Variants in IQCN observed in about 807,000 individuals in gnomAD.
The protein encoded by IQCN is IQ motif containing N.
IQCN carries 46 observed loss-of-function variants against 64.4 expected under a neutral mutation model. That is an observed-to-expected ratio of 0.71 (90% CI 0.56 to 0.91). IQCN has a LOEUF of 0.91. Ranked by LOEUF, IQCN falls within the 40% of genes least tolerant of loss-of-function variation. The probability of loss-of-function intolerance (pLI) is 0.00; values close to 1 mark genes in which losing one functional copy is unlikely to be tolerated. For missense variants in IQCN, 1,753 were observed against 1,857.4 expected, an observed-to-expected ratio of 0.94 and a Z score of 1.03; for synonymous variants, 733 against 775.6, an observed-to-expected ratio of 0.95 and a Z score of 0.91.
Position 18,266,631 on chromosome 19 carries a change from G to A in IQCN, c.909C>T (p.Asp303=), listed in dbSNP as rs1056954995. 6 of 1,613,960 alleles carry A rather than the reference G, an allele frequency of 3.7e-6. No homozygotes were observed. Among genetic ancestry groups the A allele is most frequent in the Admixed American group, 1.7e-5 (1 of 59,992 alleles). Reference sequence around the variant, plus strand: ...CTCTGGATGGTCTCGTAACTGCCTGGTCATACCTTCTGGACAATGGTGTCT... The same window carrying A: ...CTCTGGATGGTCTCGTAACTGCCTGATCATACCTTCTGGACAATGGTGTCT... ...APETPLSRRY[D]QAVTRPSRAQ... Residue 303 remains aspartate, a synonymous_variant, in exon 3 of 4, where the codon GAC becomes GAT. Transcript: ENST00000392413. The surrounding 1 kb of genome is among the most constrained non-coding windows in gnomAD (Gnocchi z 4.3).
In IQCN at chr19:18,257,972, C is replaced by T. The variant is rs776957972; in HGVS notation, c.3312G>A (p.Val1104=). Residue 1104 remains valine, a synonymous_variant, in exon 4 of 4, where the codon GTG becomes GTA. Coordinates refer to ENST00000392413, the MANE Select transcript of IQCN (RefSeq NM_001145304.2). ...VPPRRSGEPM[V]SMQAAEEIRI... ...GGATCTCCTCTGCAGCCTGCATGGA[C>T]ACCATTGGCTCCCCGGACCGCCTGG... The T allele has an allele frequency of 3.7e-6, 6 of 1,612,568 alleles. No homozygotes were observed. The highest frequency in any genetic ancestry group is 5.1e-6 in the Non-Finnish European group (6 of 1,179,706).
Position 18,264,685 on chromosome 19 carries a change from C to T in IQCN, c.2855G>A (p.Arg952Gln). 5 of 1,551,190 alleles carry T rather than the reference C, an allele frequency of 3.2e-6. No individual in the cohort carries two copies. Among genetic ancestry groups the T allele is most frequent in the South Asian group, 1.2e-5 (1 of 84,060 alleles). ...CCGCAGCTCGCCCCGGGACAGGGCT[C>T]GGGACAGGGTCAGGCGCAGCTCACT... is the stretch of plus-strand genomic sequence containing the variant. ...SWSELRLTLS[R>Q]ALSRGELRAE... Residue 952 changes from arginine to glutamine, a missense_variant, in exon 3 of 4, where the codon CGA (arginine) becomes CAA (glutamine). Physicochemically the swap from Arg to Gln is conservative, Grantham distance 43. Transcript: ENST00000392413. This position sits in a 1 kb window ranked among gnomAD's most constrained non-coding sequence, Gnocchi z 4.3.
In IQCN at chr19:18,257,656, C is replaced by T. The variant is rs370292091; in HGVS notation, c.3628G>A (p.Gly1210Ser). ...VMSDRSWFQD[G>S]RARTVSDHRC... Reference sequence around the variant, plus strand: ...TGGTCAGATACTGTCCTGGCTCTGCCATCCTGGAACCAGCTTCGGTCAGAC... The same window carrying T: ...TGGTCAGATACTGTCCTGGCTCTGCTATCCTGGAACCAGCTTCGGTCAGAC... The change falls in exon 4 of 4, where the codon GGC becomes AGC. Residue 1210 changes from glycine to serine, a missense_variant. Coordinates refer to ENST00000392413, the MANE Select transcript of IQCN (RefSeq NM_001145304.2). The T allele has an allele frequency of 2.5e-6, 4 of 1,609,044 alleles. No individual in the cohort carries two copies. Among genetic ancestry groups the T allele is most frequent in the African/African-American group, 2.7e-5 (2 of 74,886 alleles).
At chr19:18,263,844 C>T (rs1314149671) in intron 3 of IQCN, among the ~76,000 whole-genome samples, 1 of 152,192 alleles carries the variant, frequency 6.6e-6, no homozygotes, top group African/African-American at 2.4e-5. Context: ...GGCCACCCTG[C>T]CCTCCCTGGT....
At chr19:18,258,307 T>C (rs958003784) in intron 3 of IQCN, 3 of 717,890 alleles carry the variant, frequency 4.2e-6, no homozygotes, top group Non-Finnish European at 7.5e-6. Context: ...ATCTCCCCAG[T>C]GCGGATGACG....
rs1358479282 is a variant in IQCN, at chr19:18,258,093, G to C, written c.3191C>G (p.Ala1064Gly). ...CCACGATTGGCCACCAACCACACCA[G>C]CGTCCGCGGGGCCCTGGAGTATAGT... ...RPQTSKGPAD[A>G]GVVGGQSWNR... is the part of the protein sequence containing the mutation. Residue 1064 changes from alanine (A) to glycine (G), a missense_variant, in exon 4 of 4, where the codon GCT becomes GGT. Ala to Gly is a moderately conservative substitution (Grantham distance 60). Coordinates refer to ENST00000392413, the MANE Select transcript of IQCN (RefSeq NM_001145304.2). The C allele has an allele frequency of 6.2e-7, 1 of 1,610,522 alleles. No individual in the cohort carries two copies. Among genetic ancestry groups the C allele is most frequent in the Non-Finnish European group, 8.5e-7 (1 of 1,180,002 alleles).
rs1381038911 is a variant in IQCN at position 18,264,187 on chromosome 19, G to A, written c.3177+176C>T. Among the ~76,000 whole-genome samples the A allele has an allele frequency of 6.9e-6, 1 of 144,696 alleles. No individual in the cohort carries two copies. Among genetic ancestry groups the A allele is most frequent in the Admixed American group, 6.7e-5 (1 of 14,954 alleles). The allele number at this position is 144,696 out of a possible 152,430, so 94.9% of individuals were successfully genotyped here. On this transcript the variant is annotated intron_variant, in intron 3 of 3. Coordinates refer to ENST00000392413, the MANE Select transcript of IQCN (RefSeq NM_001145304.2). This position sits in a 1 kb window ranked among gnomAD's most constrained non-coding sequence, Gnocchi z 4.3. ...AGCATGGGATACAGGCCAGTGATCA[G>A]GGGACCCTGGTGAATGCTGGTGATG...
Position 18,265,814 on chromosome 19 carries a change from C to T in IQCN, c.1726G>A (p.Ala576Thr). Residue 576 changes from alanine to threonine, a missense_variant, in exon 3 of 4, where the codon GCT becomes ACT. By Grantham distance (58) the Ala-to-Thr change is moderately conservative (BLOSUM62 0). Transcript: ENST00000392413. The surrounding 1 kb of genome is among the most constrained non-coding windows in gnomAD (Gnocchi z 4.7). The stretch of plus-strand genomic sequence containing the variant: ...GCCAGGCACCTGATCTTCCCCTCAG[C>T]CAAATAGGAGGGGGATGAGGCTTTC... The part of the protein sequence containing the change: ...VVKASSPSYL[A>T]EGKIRCLAQP... 1 of 1,614,160 alleles carries T rather than the reference C, an allele frequency of 6.2e-7. No homozygotes were observed. The highest frequency in any genetic ancestry group is 2.2e-5 in the East Asian group (1 of 44,884).
At chr19:18,273,743 G>C (rs1444737567) in intron 1 of IQCN, among the ~76,000 whole-genome samples, 2 of 152,170 alleles carry the variant, frequency 1.3e-5, no homozygotes, top group Non-Finnish European at 2.9e-5. Flanking sequence ...TCTGGGAGCT[G>C]AATGGGCCCA....
chr19:18,257,263 T>C lies in IQCN; in HGVS notation c.4021A>G (p.Ser1341Gly). 1.2e-6 allele frequency: 2 copies of C among 1,613,764 alleles called. No homozygotes were observed. Among genetic ancestry groups the C allele is most frequent in the Non-Finnish European group, 1.7e-6 (2 of 1,180,034 alleles). The stretch of plus-strand genomic sequence containing the variant: ...AGCGCCTCTGTGTTCTTCAGACAGC[T>C]CCGGGTATGGTGGCCTCGCCAGGTG... ...QATWRGHHTR[S>G]CLKNTEALLG... Residue 1341 changes from serine to glycine, a missense_variant, in exon 4 of 4, where the codon AGC (serine) becomes GGC (glycine). Coordinates refer to ENST00000392413, the MANE Select transcript of IQCN (RefSeq NM_001145304.2).
At position 18,257,380 on chromosome 19, in the gene IQCN, T is replaced by G. The variant is rs150530092; in HGVS notation, c.3904A>C (p.Lys1302Gln). 6.2e-7 allele frequency: 1 copy of G among 1,611,622 alleles called. No homozygotes were observed. The highest frequency in any genetic ancestry group is 2.2e-5 in the East Asian group (1 of 44,876). ...LSPRQPHRQD[K>Q]AATAIQSAWR... Reference sequence around the variant, plus strand: ...GCGGACTGGATGGCTGTGGCCGCTTTGTCCTGGCGATGCGGCTGCCTGGGA... The same window carrying G: ...GCGGACTGGATGGCTGTGGCCGCTTGGTCCTGGCGATGCGGCTGCCTGGGA... Residue 1302 changes from lysine to glutamine, a missense_variant, in exon 4 of 4, where the codon AAA (lysine) becomes CAA (glutamine). Lys to Gln is a moderately conservative substitution (Grantham distance 53). Transcript: ENST00000392413.
intron 1 of IQCN, among the ~76,000 whole-genome samples, chr19:18,271,137 A>G (rs1352290525): frequency 5.5e-5 from 8 of 146,026 alleles, no homozygotes; most frequent in Admixed American, 5.0e-4. Flanking sequence ...ACGCAACTGC[A>G]CTCCAGCCTG....
Position 18,267,273 on chromosome 19 carries a change from C to T in IQCN, c.267G>A (p.Gln89=). ...CGTCTACCAGGATGTTCTTGAAGGCCTGGCTCTCGACCACAGCCCGGAGGC... is the reference window on the plus strand; with the variant it reads ...CGTCTACCAGGATGTTCTTGAAGGCTTGGCTCTCGACCACAGCCCGGAGGC... ...VPRLRAVVES[Q]AFKNILVDEM... The change falls in exon 3 of 4, where the codon CAG becomes CAA. Residue 89 remains glutamine, a synonymous_variant. Coordinates refer to ENST00000392413, the MANE Select transcript of IQCN (RefSeq NM_001145304.2). The T allele has an allele frequency of 1.2e-6, 2 of 1,614,278 alleles. No individual in the cohort carries two copies. Among genetic ancestry groups the T allele is most frequent in the South Asian group, 1.1e-5 (1 of 91,090 alleles).
Position 18,257,511 on chromosome 19 carries a change from G to T in IQCN, c.3773C>A (p.Thr1258Asn), listed in dbSNP as rs1197125650. ...LVGSSPRTCHTCGRTQPTRVV... is the reference protein window; with the variant it reads ...LVGSSPRTCHNCGRTQPTRVV... ...ACGGGTGGGCTGTGTGCGTCCACAG[G>T]TATGACAGGTGCGAGGGCTGGAGCC... Residue 1258 changes from threonine to asparagine, a missense_variant, in exon 4 of 4, where the codon ACC (threonine) becomes AAC (asparagine). Physicochemically the swap from Thr to Asn is moderately conservative, Grantham distance 65 (BLOSUM62 0). Coordinates refer to ENST00000392413, the MANE Select transcript of IQCN (RefSeq NM_001145304.2). 6.2e-7 allele frequency: 1 copy of T among 1,611,100 alleles called. No individual in the cohort carries two copies. The highest frequency in any genetic ancestry group is 2.2e-5 in the East Asian group (1 of 44,864).
At position 18,264,679 on chromosome 19, in the gene IQCN, A is replaced by C; in HGVS notation, c.2861T>G (p.Leu954Arg). The part of the protein sequence containing the change: ...SELRLTLSRA[L>R]SRGELRAELT... ...TTCCGCCCGCAGCTCGCCCCGGGAC[A>C]GGGCTCGGGACAGGGTCAGGCGCAG... The change falls in exon 3 of 4, where the codon CTG becomes CGG. Residue 954 changes from leucine to arginine, a missense_variant. Leu to Arg is a moderately radical substitution (Grantham distance 102). Transcript: ENST00000392413. The surrounding 1 kb of genome is among the most constrained non-coding windows in gnomAD (Gnocchi z 4.3). 2 of 1,551,266 alleles carry C rather than the reference A, an allele frequency of 1.3e-6. No homozygotes were observed. The highest frequency in any genetic ancestry group is 1.7e-6 in the Non-Finnish European group (2 of 1,146,974).
intron 1 of IQCN, among the ~76,000 whole-genome samples, chr19:18,271,208 G>A (rs58555271): frequency 0.23 from 34,110 of 147,542 alleles, 4,487 homozygotes; most frequent in Admixed American, 0.34. Context: ...AGTGGCTCAC[G>A]CCTGTAATCC....
In IQCN at chr19:18,265,868, C is replaced by T. The variant is rs370529416; in HGVS notation, c.1672G>A (p.Val558Met). ...HENPPKAKAT[V>M]NVKQAAKVVK... ...ACCTTTGCAGCCTGCTTCACATTCA[C>T]GGTGGCCTTGGCCTTGGGTGGGTTC... The change falls in exon 3 of 4, where the codon GTG (valine) becomes ATG (methionine). Residue 558 changes from valine (V) to methionine (M), a missense_variant. By Grantham distance (21) the Val-to-Met change is conservative. Transcript: ENST00000392413. This position sits in a 1 kb window ranked among gnomAD's most constrained non-coding sequence, Gnocchi z 4.7. 26 of 1,614,192 alleles carry T rather than the reference C, an allele frequency of 1.6e-5. No homozygotes were observed. The African/African-American group carries it at 2.1e-4, about 13-fold the overall frequency.
Position 18,272,834 on chromosome 19 carries a change from T to C in IQCN, c.-110+1569A>G, listed in dbSNP as rs548582633. Among the ~76,000 whole-genome samples the C allele has an allele frequency of 4.6e-5, 7 of 151,584 alleles. No individual in the cohort carries two copies. The East Asian group carries it at 5.9e-4, about 13-fold the overall frequency. Reference sequence around the variant, plus strand: ...ACTATGCTAGCCAGGATGGTCTCCATCTCCTGACCTCGTGATTCGCCCACC... The same window carrying C: ...ACTATGCTAGCCAGGATGGTCTCCACCTCCTGACCTCGTGATTCGCCCACC... On this transcript the variant is annotated intron_variant, in intron 1 of 3. Transcript: ENST00000392413.
rs1969540237 is a variant in IQCN at position 18,265,474 on chromosome 19, T to C, written c.2066A>G (p.Lys689Arg). The change falls in exon 3 of 4, where the codon AAG (lysine) becomes AGG (arginine). Residue 689 changes from lysine (K) to arginine (R), a missense_variant. Coordinates refer to ENST00000392413, the MANE Select transcript of IQCN (RefSeq NM_001145304.2). This position sits in a 1 kb window ranked among gnomAD's most constrained non-coding sequence, Gnocchi z 4.7. Reference sequence around the variant, plus strand: ...GGGCAGATGTCCCTGAGATGAGGCCTTGGTCAGCGGGGCGGCCAGTGGTCT... The same window carrying C: ...GGGCAGATGTCCCTGAGATGAGGCCCTGGTCAGCGGGGCGGCCAGTGGTCT... ...SQRPLAAPLT[K>R]ASSQGHLPTE... is the part of the protein sequence containing the mutation. 3 of 1,613,190 alleles carry C rather than the reference T, an allele frequency of 1.9e-6. No homozygotes were observed. The highest frequency in any genetic ancestry group is 2.5e-6 in the Non-Finnish European group (3 of 1,179,344).
Sources: gnomAD v4.1 joint callset for allele counts (sites outside exome capture counted in the v4.1 genomes callset) on GRCh38, gnomAD v4.1.1 for gene constraint, Gnocchi (gnomAD v3.1) non-coding constraint, MANE v1.5 for transcripts, NCBI Gene and HGNC (gene_info 2026-07-23, HGNC 2026-07-21) for gene names.